ANKRD36: variants seen among roughly 807,000 people sequenced by gnomAD.
ANKRD36 encodes the protein ankyrin repeat domain-containing protein 36A.
Under a neutral mutation model 278.1 loss-of-function variants are expected in ANKRD36, and 179 were observed. That is an observed-to-expected ratio of 0.64 (90% CI 0.57 to 0.73). The LOEUF is 0.73. Ranked by LOEUF, ANKRD36 falls within the 30% of genes least tolerant of loss-of-function variation. ANKRD36 has a pLI of 0.00. For missense variants in ANKRD36, 1,159 were observed against 1,956.7 expected, an observed-to-expected ratio of 0.59 and a Z score of 7.69; for synonymous variants, 320 against 641.1, an observed-to-expected ratio of 0.50 and a Z score of 7.57.
chr2:97,152,053 T>G (rs1452233054), intron 13 of ANKRD36, 114 bp downstream of exon 13: 20 of 899,070 alleles, frequency 2.2e-5, no homozygotes, highest in Non-Finnish European at 3.2e-5. Flanking sequence ...AGTGCAGTGG[T>G]GCGATCTTGG....
intron 66 of ANKRD36, among the ~76,000 whole-genome samples, chr2:97,222,081 A>C (rs1176875095): frequency 6.6e-6 from 1 of 151,894 alleles, no homozygotes; most frequent in Non-Finnish European, 1.5e-5. Flanking sequence ...CAAAGATCAG[A>C]TAGTTATAGA....
In ANKRD36 at chr2:97,209,908, C is replaced by G. The variant is rs753877809; in HGVS notation, c.3367+36C>G. The G allele has an allele frequency of 1.4e-5, 22 of 1,546,562 alleles. No individual in the cohort carries two copies. The South Asian group carries it at 2.2e-4, about 15-fold the overall frequency. On this transcript the variant is annotated intron_variant, in intron 56 of 75. Coordinates refer to ENST00000420699, the MANE Select transcript of ANKRD36 (RefSeq NM_001354587.1). Reference sequence around the variant, plus strand: ...AAACAGATTTAATGTCATGTTCAGTCCAGATAGGTAAGAAATTCTCTTCCC... The same window carrying G: ...AAACAGATTTAATGTCATGTTCAGTGCAGATAGGTAAGAAATTCTCTTCCC...
chr2:97,202,389 G>A lies in ANKRD36; in HGVS notation c.2955G>A (p.Arg985=). Residue 985 remains arginine (R), a synonymous_variant, in exon 48 of 76, where the codon AGG becomes AGA. Coordinates refer to ENST00000420699, the MANE Select transcript of ANKRD36 (RefSeq NM_001354587.1). ...ARENKDGEKS[R]TVSSEKPPGL... is the part of the protein sequence containing the mutation. ...AAAACAAGGATGGAGAAAAATCTAG[G>A]ACAGGTAATTTTGAAAACAGATTTA... The A allele has an allele frequency of 5.2e-6, 8 of 1,549,888 alleles. No homozygotes were observed. Among genetic ancestry groups the A allele is most frequent in the Non-Finnish European group, 7.0e-6 (8 of 1,149,500 alleles).
chr2:97,204,512 A>T (rs1356880561), intron 50 of ANKRD36, among the ~76,000 whole-genome samples: 3 of 151,412 alleles, frequency 2.0e-5, no homozygotes, highest in Non-Finnish European at 4.4e-5. Context: ...TTCAAGGCAT[A>T]AGGGGCTCCG....
At chr2:97,143,211 G>C (rs1188402693) in intron 8 of ANKRD36, among the ~76,000 whole-genome samples, 2 of 151,868 alleles carry the variant, frequency 1.3e-5, no homozygotes, top group East Asian at 3.9e-4. Flanking sequence ...CATGGAAGAA[G>C]TGATTGGAAT....
At chr2:97,128,493 C>T (rs1191948836) in intron 6 of ANKRD36, among the ~76,000 whole-genome samples, 13 of 151,600 alleles carry the variant, frequency 8.6e-5, no homozygotes, top group Admixed American at 1.3e-4. Flanking sequence ...AGCTCTTTGG[C>T]GGTACCCTTT....
intron 42 of ANKRD36, 138 bp from the exon 43 acceptor site, chr2:97,198,325 C>G: frequency 1.3e-6 from 2 of 1,511,748 alleles, no homozygotes; most frequent in Non-Finnish European, 1.8e-6. Context: ...GTTCTAGTCC[C>G]CAGACACAAA....
intron 11 of ANKRD36, among the ~76,000 whole-genome samples, chr2:97,148,188 C>T (rs1239788982): frequency 6.6e-6 from 1 of 152,282 alleles, no homozygotes; most frequent in African/African-American, 2.4e-5. Flanking sequence ...CTCTCATGTA[C>T]ATGTAGGGTG....
intron 50 of ANKRD36, among the ~76,000 whole-genome samples, 180 bp from the exon 51 acceptor site, chr2:97,205,760 T>C (rs1419052538): frequency 6.6e-6 from 1 of 151,550 alleles, no homozygotes; most frequent in Admixed American, 6.6e-5. Flanking sequence ...TCATGGAGCC[T>C]GTATTCCCTT....
intron 67 of ANKRD36, among the ~76,000 whole-genome samples, chr2:97,231,396 C>A (rs2072016195): frequency 6.6e-6 from 1 of 152,160 alleles, no homozygotes; most frequent in African/African-American, 2.4e-5. Flanking sequence ...GACTGCTGTG[C>A]TAGCAATCAG....
intron 66 of ANKRD36, among the ~76,000 whole-genome samples, chr2:97,221,998 G>T (rs2067862258): frequency 6.7e-6 from 1 of 149,486 alleles, no homozygotes; most frequent in Non-Finnish European, 1.5e-5. Context: ...TCTACATATG[G>T]CTAGCCAGTT....
chr2:97,131,164 A>G (rs1253450117), intron 6 of ANKRD36, among the ~76,000 whole-genome samples: 2 of 151,400 alleles, frequency 1.3e-5, no homozygotes, highest in Non-Finnish European at 2.9e-5. Context: ...GGATTACCAC[A>G]CCTTTAACCA....
At position 97,113,607 on chromosome 2, in the gene ANKRD36, G is replaced by A; in HGVS notation, c.-133G>A. On this transcript the variant is annotated 5_prime_UTR_variant, in exon 1 of 76. Transcript: ENST00000420699. The stretch of plus-strand genomic sequence containing the variant: ...CCCTTCTGTTGGGCGTTTCTGCTGA[G>A]AGGCGGGAGGCGCTGAGAGTCTGTG... 8.6e-7 allele frequency: 1 copy of A among 1,161,896 alleles called. No individual in the cohort carries two copies. Among genetic ancestry groups the A allele is most frequent in the Non-Finnish European group, 1.2e-6 (1 of 821,632 alleles). The allele number at this position is 1,161,896 out of a possible 1,614,324, so 72.0% of individuals were successfully genotyped here.
At chr2:97,191,634 A>G (rs903141740) in intron 36 of ANKRD36, among the ~76,000 whole-genome samples, 1 of 151,716 alleles carries the variant, frequency 6.6e-6, no homozygotes, top group Non-Finnish European at 1.5e-5. Context: ...TTCCCAAGGA[A>G]GACGGATTGT....
chr2:97,216,074 T>C lies in ANKRD36; in HGVS notation c.3673+577T>C, dbSNP rs1260879671. Among the ~76,000 whole-genome samples the C allele has an allele frequency of 1.3e-5, 2 of 151,848 alleles. 1 individual carries two copies. Among genetic ancestry groups the C allele is most frequent in the South Asian group, 4.2e-4 (2 of 4,746 alleles). ...AATTTGGAATATTTGCATAAAAGAA[T>C]ATTAAATTTTGGCTTCTCCAAGAAC... On this transcript the variant is annotated intron_variant, in intron 62 of 75. Transcript: ENST00000420699.
Position 97,158,583 on chromosome 2 carries a change from T to C in ANKRD36, c.1322-5T>C. ...CATCTACTCTTGACTTTGTTTTTACTGTAGTAGATGCTGCATGTGGCATTG... is the reference window on the plus strand; with the variant it reads ...CATCTACTCTTGACTTTGTTTTTACCGTAGTAGATGCTGCATGTGGCATTG... On this transcript the variant is annotated splice_region_variant and splice_polypyrimidine_tract_variant and intron_variant, in intron 16 of 75. Transcript: ENST00000420699. The C allele has an allele frequency of 6.5e-7, 1 of 1,535,720 alleles. No individual in the cohort carries two copies. Among genetic ancestry groups the C allele is most frequent in the Non-Finnish European group, 8.7e-7 (1 of 1,146,548 alleles).
intron 26 of ANKRD36, among the ~76,000 whole-genome samples, chr2:97,182,519 G>C (rs1304960634): frequency 6.7e-6 from 1 of 148,438 alleles, no homozygotes; most frequent in Non-Finnish European, 1.5e-5. Flanking sequence ...TATTGGCTTT[G>C]CTTTTCAATT....
At chr2:97,144,277 A>G (rs571286436) in intron 8 of ANKRD36, among the ~76,000 whole-genome samples, 3 of 152,336 alleles carry the variant, frequency 2.0e-5, no homozygotes, top group African/African-American at 7.2e-5. Context: ...TTATTGTAGT[A>G]ATAGACATGT....
intron 32 of ANKRD36, among the ~76,000 whole-genome samples, chr2:97,188,559 G>T (rs1377508171): frequency 7.4e-6 from 1 of 135,386 alleles, no homozygotes; most frequent in African/African-American, 2.5e-5. Context: ...GATATCCAAG[G>T]TGATCAATTT....
Sources: allele counts gnomAD v4.1 joint callset (sites outside exome capture counted in the v4.1 genomes callset), GRCh38; gene constraint gnomAD v4.1.1; transcripts MANE v1.5; gene names NCBI Gene and HGNC (gene_info 2026-07-23, HGNC 2026-07-21).